PKHD1: variants seen among roughly 807,000 people sequenced by gnomAD.
PKHD1 encodes the protein fibrocystin.
A neutral mutation model predicts 412.0 loss-of-function variants in PKHD1; 291 were observed. The observed-to-expected ratio is 0.71, with a 90% confidence interval of 0.64 to 0.78. The LOEUF (loss-of-function observed/expected upper bound fraction) is 0.78, where lower values mean the gene tolerates loss of function less well. PKHD1 is among the 30% of genes least tolerant of loss of function. The pLI, the probability that PKHD1 is intolerant of heterozygous loss-of-function variation, is 0.00. For synonymous variants in PKHD1, 1,777 were observed against 1,821.5 expected (o/e 0.98, Z 0.62); for missense variants, 4,825 against 4,950.7 (o/e 0.97, Z 0.76).
At chr6:51,627,388 T>C (rs1055535628) in intron 65 of PKHD1, among the ~76,000 whole-genome samples, 2 of 151,980 alleles carry the variant, frequency 1.3e-5, no homozygotes, top group African/African-American at 2.4e-5. Flanking sequence ...TTGAGATGTA[T>C]TGTAAGTATA....
intron 21 of PKHD1, among the ~76,000 whole-genome samples, chr6:52,051,400 A>G (rs1476762412): frequency 6.6e-6 from 1 of 152,252 alleles, no homozygotes; most frequent in African/African-American, 2.4e-5. Flanking sequence ...TAAATGATAT[A>G]CAATTAACTA....
chr6:51,859,148 A>T (rs2151707894), intron 48 of PKHD1, among the ~76,000 whole-genome samples: 1 of 152,224 alleles, frequency 6.6e-6, no homozygotes, highest in Admixed American at 6.5e-5. Flanking sequence ...CCAAAAGAAG[A>T]TCTCTGTTCA....
At chr6:51,672,080 T>C (rs1055733613) in intron 60 of PKHD1, among the ~76,000 whole-genome samples, 1 of 152,244 alleles carries the variant, frequency 6.6e-6, no homozygotes. Context: ...ATTGGACTGT[T>C]ACCCCAATCC....
chr6:51,749,204 T>C (rs2150990133), intron 57 of PKHD1, among the ~76,000 whole-genome samples: 1 of 152,316 alleles, frequency 6.6e-6, no homozygotes, highest in South Asian at 2.1e-4. Flanking sequence ...CATACATGCT[T>C]CTGATTAAAA....
At chr6:51,747,764 C>T (rs750042835) in intron 58 of PKHD1, 23 bp downstream of exon 58, 111 of 1,602,086 alleles carry the variant, frequency 6.9e-5, no homozygotes, top group Admixed American at 8.3e-5. Flanking sequence ...ATGGCACTGC[C>T]TAGATAAAAT....
chr6:51,900,720 C>G (rs1224288432), intron 43 of PKHD1, among the ~76,000 whole-genome samples: 1 of 151,326 alleles, frequency 6.6e-6, no homozygotes, highest in Non-Finnish European at 1.5e-5. Flanking sequence ...AAACTACCAT[C>G]AGAGTGAACA....
At chr6:52,068,174 A>C (rs1424903022) in intron 11 of PKHD1, among the ~76,000 whole-genome samples, 1 of 152,220 alleles carries the variant, frequency 6.6e-6, no homozygotes, top group Non-Finnish European at 1.5e-5. Context: ...TCAGTTTTAG[A>C]GATGCTTAAT....
rs772074435 is a variant in PKHD1, at chr6:52,079,922, G to T, written c.368C>A (p.Pro123Gln). The change falls in exon 5 of 67, where the codon CCA becomes CAA. Residue 123 changes from proline to glutamine, a missense_variant. Coordinates refer to ENST00000371117, the MANE Select transcript of PKHD1 (RefSeq NM_138694.4). The stretch of plus-strand genomic sequence containing the variant: ...CACCTTGAAAGTACAGCTATCTCGT[G>T]GTCCTGGATTTGGACTGCTTACCAG... ...GQLVSSPNPG[P>Q]RDSCTFKFSK... 3 of 1,598,634 alleles carry T rather than the reference G, an allele frequency of 1.9e-6. No individual in the cohort carries two copies. The highest frequency in any genetic ancestry group is 3.3e-5 in the Admixed American group (2 of 59,954).
At chr6:52,014,568 G>A (rs1800227206) in intron 34 of PKHD1, among the ~76,000 whole-genome samples, 1 of 151,456 alleles carries the variant, frequency 6.6e-6, no homozygotes, top group African/African-American at 2.4e-5. Context: ...ATAAACAGAT[G>A]GATCATGGAT....
intron 36 of PKHD1, among the ~76,000 whole-genome samples, chr6:51,949,347 T>G (rs1432586393): frequency 6.6e-6 from 1 of 152,208 alleles, no homozygotes; most frequent in South Asian, 2.1e-4. Context: ...GGACAAATCC[T>G]GCTCTGCCTG....
In PKHD1 at chr6:51,934,221, G is replaced by A. The variant is rs750568137; in HGVS notation, c.6010C>T (p.Pro2004Ser). The change falls in exon 37 of 67, where the codon CCC becomes TCC. Residue 2004 changes from proline to serine, a missense_variant. Physicochemically the swap from Pro to Ser is moderately conservative, Grantham distance 74. Coordinates refer to ENST00000371117, the MANE Select transcript of PKHD1 (RefSeq NM_138694.4). ...GELRIGSEDK[P>S]FQGRAQITLY... is the part of the protein sequence containing the mutation. ...GTGATCTGAGCTCTGCCTTGGAAGG[G>A]CTTGTCTTCGGATCCAATCCGGAGC... is the stretch of plus-strand genomic sequence containing the variant. 1 of 1,613,740 alleles carries A rather than the reference G, an allele frequency of 6.2e-7. No individual in the cohort carries two copies. Among genetic ancestry groups the A allele is most frequent in the South Asian group, 1.1e-5 (1 of 91,082 alleles).
Position 52,024,816 on chromosome 6 carries a change from T to C in PKHD1, c.4994A>G (p.Gln1665Arg), listed in dbSNP as rs765747441. ...TGCAAAGGTTAAGATGTCATCGCTC[T>C]GAGAAATAGAGATCAATTCTGGGGT... ...AFTPELISISQSDDILTFAVA... is the reference protein window; with the variant it reads ...AFTPELISISRSDDILTFAVA... The change falls in exon 32 of 67, where the codon CAG (glutamine) becomes CGG (arginine). Residue 1665 changes from glutamine to arginine, a missense_variant. Transcript: ENST00000371117. The C allele has an allele frequency of 8.1e-6, 13 of 1,614,258 alleles. 1 individual carries two copies. The highest frequency in any genetic ancestry group is 1.6e-4 in the Middle Eastern group (1 of 6,062).
intron 52 of PKHD1, among the ~76,000 whole-genome samples, chr6:51,813,745 G>T (rs1465044503): frequency 1.3e-5 from 2 of 152,112 alleles, no homozygotes; most frequent in African/African-American, 4.8e-5. Flanking sequence ...AAAAGATATC[G>T]GAATAGTAGA....
chr6:52,043,721 G>A lies in PKHD1; in HGVS notation c.2725C>T (p.Arg909Ter), dbSNP rs727504089. 9 of 1,612,852 alleles carry A rather than the reference G, an allele frequency of 5.6e-6. No individual in the cohort carries two copies. Among genetic ancestry groups the A allele is most frequent in the East Asian group, 2.2e-5 (1 of 44,872 alleles). ...TANQHTQVVVRVNDVPAHCPG... is the reference protein window; with the variant it reads ...TANQHTQVVV ...CAATGAGCTGGTACATCATTCACTC[G>A]CACAACCACCTGAAATGAGGCAAAA... The change falls in exon 26 of 67, where the codon CGA becomes TGA. Residue 909 changes from arginine to a stop codon, truncating the protein, a stop_gained. Coordinates refer to ENST00000371117, the MANE Select transcript of PKHD1 (RefSeq NM_138694.4). LOFTEE classifies it high-confidence loss of function.
rs188751368 is a variant in PKHD1, at chr6:52,022,982, C to T, written c.5237-38G>A. On this transcript the variant is annotated intron_variant, in intron 32 of 66. Coordinates refer to ENST00000371117, the MANE Select transcript of PKHD1 (RefSeq NM_138694.4). Reference sequence around the variant, plus strand: ...AGGTACAAGTTCTTGATCATACAGGCAAATCTCCCTTCTTTACTCAACTCA... The same window carrying T: ...AGGTACAAGTTCTTGATCATACAGGTAAATCTCCCTTCTTTACTCAACTCA... 18 of 1,612,156 alleles carry T rather than the reference C, an allele frequency of 1.1e-5. No individual in the cohort carries two copies. The African/African-American group carries it at 2.0e-4, about 18-fold the overall frequency.
At position 51,906,229 on chromosome 6, in the gene PKHD1, T is replaced by A. The variant is rs1554300376; in HGVS notation, c.6794A>T (p.His2265Leu). ...GTTTTACTTACCAACTAGCAGCGCA[T>A]GACCTAAAATATTGTAGAATACATT... ...DSNVFYNILG[H>L]ALLVGTCTEM... The change falls in exon 41 of 67, where the codon CAT (histidine) becomes CTT (leucine). Residue 2265 changes from histidine to leucine, a missense_variant. Physicochemically the swap from His to Leu is moderately conservative, Grantham distance 99. Coordinates refer to ENST00000371117, the MANE Select transcript of PKHD1 (RefSeq NM_138694.4). 9 of 1,612,138 alleles carry A rather than the reference T, an allele frequency of 5.6e-6. No individual in the cohort carries two copies. The East Asian group carries it at 1.6e-4, about 28-fold the overall frequency.
intron 53 of PKHD1, among the ~76,000 whole-genome samples, chr6:51,787,770 T>A (rs532487313): frequency 6.6e-6 from 1 of 152,342 alleles, no homozygotes; most frequent in East Asian, 1.9e-4. Context: ...ACAGTGTCAC[T>A]TACCTTCAAA....
At chr6:51,880,852 G>T (rs1461859563) in intron 46 of PKHD1, among the ~76,000 whole-genome samples, 1 of 141,646 alleles carries the variant, frequency 7.1e-6, no homozygotes, top group African/African-American at 2.6e-5. Context: ...TGTGGTCCCA[G>T]CTACTCAGGA....
intron 60 of PKHD1, among the ~76,000 whole-genome samples, chr6:51,723,671 T>TAAATC (rs1315293202): frequency 2.0e-5 from 3 of 152,184 alleles, no homozygotes; most frequent in Non-Finnish European, 4.4e-5. Flanking sequence ...ATGTGTGGGT[T>TAAATC]ACCAAGAGTG....
Sources: allele counts gnomAD v4.1 joint callset (sites outside exome capture counted in the v4.1 genomes callset), GRCh38; gene constraint gnomAD v4.1.1; transcripts MANE v1.5; gene names NCBI Gene and HGNC (gene_info 2026-07-23, HGNC 2026-07-21).